The following KRT78 variants were observed in gnomAD, a reference collection of about 807,000 sequenced individuals.
KRT78 encodes keratin 78, also known as keratin, type II cytoskeletal 78.
Under a neutral mutation model 51.4 loss-of-function variants are expected in KRT78, and 55 were observed. That is an observed-to-expected ratio of 1.07 (90% CI 0.86 to 1.34). KRT78 has a LOEUF of 1.34. Ranked by LOEUF, KRT78 falls within the 40% of genes most tolerant of loss-of-function variation. The probability of loss-of-function intolerance (pLI) is 0.00; values close to 1 mark genes in which losing one functional copy is unlikely to be tolerated. For synonymous variants in KRT78, 291 were observed against 264.3 expected, an observed-to-expected ratio of 1.10 and a Z score of -0.98; for missense variants, 652 against 649.4, an observed-to-expected ratio of 1.00 and a Z score of -0.04.
rs766741699 is a variant in KRT78 at position 52,848,797 on chromosome 12, C to A, written c.134G>T (p.Gly45Val). The A allele has an allele frequency of 9.3e-6, 15 of 1,613,508 alleles. No individual in the cohort carries two copies. The highest frequency in any genetic ancestry group is 1.7e-5 in the Admixed American group (1 of 59,944). ...CCCACGAGAGCCTTCCAGGCACCCC[C>A]CAAAGGAATTAAGGCTCCTGCTGCT... ...GFSSRSLNSFGGCLEGSRGST... is the reference protein window; with the variant it reads ...GFSSRSLNSFVGCLEGSRGST... Residue 45 changes from glycine (G) to valine (V), a missense_variant, in exon 1 of 9, where the codon GGG becomes GTG. Transcript: ENST00000304620.
At chr12:52,842,969 GGA>G (rs1565698766) in intron 6 of KRT78, among the ~76,000 whole-genome samples, 22 of 62,288 alleles carry the variant, frequency 3.5e-4, no homozygotes, top group African/African-American at 2.0e-3. Flanking sequence ...GAGGAAGGAA[GGA>G]AGGAAGGAAG....
At chr12:52,846,732 A>G (rs1368736707) in intron 3 of KRT78, 32 bp downstream of exon 3, 3 of 1,598,904 alleles carry the variant, frequency 1.9e-6, no homozygotes, top group Non-Finnish European at 2.6e-6. Flanking sequence ...GGATGCTCAG[A>G]ACGTAAGTGG....
chr12:52,844,768 CTCCCCTTGAA>C (rs1940602424), intron 4 of KRT78, 45 bp from the exon 5 acceptor site: 1 of 1,554,710 alleles, frequency 6.4e-7, no homozygotes, highest in African/African-American at 1.4e-5. Flanking sequence ...CCAGCTCCTT[CTCCCCTTGAA>C]GCCTAGGATG....
At chr12:52,841,498 A>G (rs935136685) in intron 6 of KRT78, among the ~76,000 whole-genome samples, 3 of 152,032 alleles carry the variant, frequency 2.0e-5, no homozygotes, top group African/African-American at 2.4e-5. Context: ...AAAAAAAAAA[A>G]AAAGAAAATA....
intron 6 of KRT78, among the ~76,000 whole-genome samples, chr12:52,842,736 G>T (rs934550397): frequency 2.0e-5 from 3 of 151,746 alleles, no homozygotes; most frequent in Admixed American, 6.6e-5. Flanking sequence ...TGGCCAACAT[G>T]GTGAAACCCT....
chr12:52,844,862 G>A (rs1565700280), intron 4 of KRT78, 139 bp from the exon 5 acceptor site: 1 of 684,464 alleles, frequency 1.5e-6, no homozygotes, highest in Non-Finnish European at 2.4e-6. Flanking sequence ...AGTATGCCCT[G>A]CTCACCATGG....
intron 6 of KRT78, among the ~76,000 whole-genome samples, chr12:52,841,411 CG>C (rs1940496242): frequency 6.6e-6 from 1 of 150,924 alleles, no homozygotes; most frequent in African/African-American, 2.4e-5. Context: ...CGCTTGAACC[CG>C]GGAGGCGGAG....
chr12:52,848,841 G>A lies in KRT78; in HGVS notation c.90C>T (p.Phe30=). The A allele has an allele frequency of 6.2e-7, 1 of 1,613,402 alleles. No individual in the cohort carries two copies. The highest frequency in any genetic ancestry group is 8.5e-7 in the Non-Finnish European group (1 of 1,179,812). The change falls in exon 1 of 9, where the codon TTC becomes TTT. Residue 30 remains phenylalanine (F), a synonymous_variant. Coordinates refer to ENST00000304620, the MANE Select transcript of KRT78 (RefSeq NM_173352.4). ...TGCTGCTGAAGCCGCCCCTGCTGCTGAAGCCTCCCCTGCTGCGGCCCCTTG... is the reference window on the plus strand; with the variant it reads ...TGCTGCTGAAGCCGCCCCTGCTGCTAAAGCCTCCCCTGCTGCGGCCCCTTG... ...ARSRGRSRGG[F]SSRGGFSSRS...
chr12:52,844,795 C>T lies in KRT78; in HGVS notation c.757-72G>A. 2.1e-6 allele frequency: 3 copies of T among 1,439,778 alleles called. No homozygotes were observed. In the South Asian group the frequency reaches 4.0e-5, roughly 19 times the overall value. 89.2% of individuals were successfully genotyped at this position (1,439,778 alleles called of 1,614,324 possible). On this transcript the variant is annotated intron_variant, in intron 4 of 8. Coordinates refer to ENST00000304620, the MANE Select transcript of KRT78 (RefSeq NM_173352.4). ...CCCCTTGAAGCCTAGGATGGTTGAG[C>T]AGGATGATGAATTTCTGCTTACATG...
rs150326311 is a variant in KRT78, at chr12:52,839,147, A to G, written c.1529T>C (p.Val510Ala). ...GATGGATGTCTTCAGACTCGACTCA[A>G]CTGTCTTCTTCAGGATGGTGTGGCA... ...SSCHTILKKT[V>A]ESSLKTSITY Residue 510 changes from valine (V) to alanine (A), a missense_variant, in exon 9 of 9, where the codon GTT becomes GCT. Val to Ala is a moderately conservative substitution (Grantham distance 64). Transcript: ENST00000304620. 2.7e-5 allele frequency: 44 copies of G among 1,613,328 alleles called. No individual in the cohort carries two copies. The African/African-American group carries it at 5.7e-4, about 21-fold the overall frequency.
Position 52,848,858 on chromosome 12 carries a change from G to A in KRT78, c.73C>T (p.Arg25Cys), listed in dbSNP as rs771180780. 1.2e-5 allele frequency: 20 copies of A among 1,612,168 alleles called. No individual in the cohort carries two copies. The highest frequency in any genetic ancestry group is 8.9e-5 in the East Asian group (4 of 44,892). ...CTGCTGCTGAAGCCTCCCCTGCTGC[G>A]GCCCCTTGAGCGAGCAGAACAGGCT... Reference protein sequence around the residue: ...RSACSARSRGRSRGGFSSRGG... With the variant: ...RSACSARSRGCSRGGFSSRGG... Residue 25 changes from arginine to cysteine, a missense_variant, in exon 1 of 9, where the codon CGC becomes TGC. Physicochemically the swap from Arg to Cys is radical, Grantham distance 180. Transcript: ENST00000304620.
chr12:52,846,822 T>C lies in KRT78; in HGVS notation c.602A>G (p.Tyr201Cys). ...GGCACGCCTGTGGGCCTCCTCCTCA[T>C]ACCTGCCAAATAAGTAGAGAAGGAT... ...RDQEEEYKSK[Y>C]EEEAHRRATL... Residue 201 changes from tyrosine (Y) to cysteine (C), a missense_variant and splice_region_variant, in exon 3 of 9, where the codon TAT (tyrosine) becomes TGT (cysteine). By Grantham distance (194) the Tyr-to-Cys change is radical (BLOSUM62 -2). Transcript: ENST00000304620. 6.2e-7 allele frequency: 1 copy of C among 1,613,146 alleles called. No homozygotes were observed.
chr12:52,843,812 CA>C, intron 6 of KRT78, among the ~76,000 whole-genome samples: 1 of 152,260 alleles, frequency 6.6e-6, no homozygotes, highest in Middle Eastern at 3.4e-3. Flanking sequence ...ACATAGGCTA[CA>C]ATGCTGTCAG....
chr12:52,844,241 A>C (rs778533039), intron 5 of KRT78, 23 bp from the exon 6 acceptor site: 27 of 1,575,450 alleles, frequency 1.7e-5, no homozygotes, highest in Middle Eastern at 1.7e-4. Flanking sequence ...CAGAGGGGAC[A>C]CCATTAGTTG....
intron 4 of KRT78, 115 bp from the exon 5 acceptor site, chr12:52,844,838 C>T: frequency 9.8e-7 from 1 of 1,019,330 alleles, no homozygotes; most frequent in Middle Eastern, 3.3e-4. Flanking sequence ...CCCCATTCAT[C>T]CCAGGTGGCT....
chr12:52,845,177 G>A (rs1412238728), intron 4 of KRT78, among the ~76,000 whole-genome samples: 2 of 151,946 alleles, frequency 1.3e-5, no homozygotes, highest in Non-Finnish European at 2.9e-5. Context: ...CACCAAGCCT[G>A]GCTAATTTTT....
intron 7 of KRT78, 136 bp from the exon 8 acceptor site, chr12:52,839,623 C>T: frequency 1.6e-6 from 2 of 1,276,742 alleles, no homozygotes; most frequent in Non-Finnish European, 1.1e-6. Flanking sequence ...CTTAAAATCC[C>T]TCTCTGCAGC....
At chr12:52,845,016 T>G (rs1164845776) in intron 4 of KRT78, among the ~76,000 whole-genome samples, 2 of 150,806 alleles carry the variant, frequency 1.3e-5, no homozygotes, top group East Asian at 3.9e-4. Context: ...TTTTTTCTTC[T>G]TCTTCTTTTT....
chr12:52,843,078 G>C (rs1404842363), intron 6 of KRT78, among the ~76,000 whole-genome samples: 2 of 150,222 alleles, frequency 1.3e-5, no homozygotes, highest in Non-Finnish European at 3.0e-5. Flanking sequence ...AGAAAGAAAA[G>C]AGATGAAGCT....
Sources: allele counts gnomAD v4.1 joint callset (sites outside exome capture counted in the v4.1 genomes callset), GRCh38; gene constraint gnomAD v4.1.1; transcripts MANE v1.5; gene names NCBI Gene and HGNC (gene_info 2026-07-23, HGNC 2026-07-21).